ABLIM2: variants seen among roughly 807,000 people sequenced by gnomAD.
ABLIM2 encodes the protein actin-binding LIM protein 2.
Under a neutral mutation model 97.7 loss-of-function variants are expected in ABLIM2, and 53 were observed. The ratio of observed to expected loss-of-function variants is 0.54; its 90% confidence interval spans 0.44 to 0.68. The LOEUF (loss-of-function observed/expected upper bound fraction) is 0.68, where lower values mean the gene tolerates loss of function less well. Among genes scored for constraint, ABLIM2 ranks in the 30% least tolerant of loss-of-function variants. ABLIM2 has a pLI of 0.00. For missense variants in ABLIM2, 835 were observed against 867.2 expected, an observed-to-expected ratio of 0.96 and a Z score of 0.47; for synonymous variants, 361 against 345.8, an observed-to-expected ratio of 1.04 and a Z score of -0.49.
At chr4:8,053,338 T>C (rs1797178153) in intron 8 of ABLIM2, among the ~76,000 whole-genome samples, 1 of 152,222 alleles carries the variant, frequency 6.6e-6, no homozygotes, top group Non-Finnish European at 1.5e-5. Context: ...CTTGCATATG[T>C]TGATTGATGT....
In ABLIM2 at chr4:8,008,144, T is replaced by C. The variant is rs1216190524; in HGVS notation, c.1533A>G (p.Pro511=). 1 of 1,613,944 alleles carries C rather than the reference T, an allele frequency of 6.2e-7. No individual in the cohort carries two copies. The highest frequency in any genetic ancestry group is 8.5e-7 in the Non-Finnish European group (1 of 1,179,916). The change falls in exon 16 of 21, where the codon CCA becomes CCG. Residue 511 remains proline, a synonymous_variant. Transcript: ENST00000447017. ...KGDADTRTNS[P]DLDTQSLSHS... ...GGGACAAGGACTGGGTGTCCAGGTCTGGAGAATTGGTCCTTGTGTCTGCAT... is the reference window on the plus strand; with the variant it reads ...GGGACAAGGACTGGGTGTCCAGGTCCGGAGAATTGGTCCTTGTGTCTGCAT...
intron 14 of ABLIM2, among the ~76,000 whole-genome samples, chr4:8,011,231 A>C (rs1005584214): frequency 1.1e-4 from 16 of 152,356 alleles, no homozygotes; most frequent in African/African-American, 3.6e-4. Flanking sequence ...TCAGGTCTCA[A>C]AAACAGCCTC....
rs1315912411 is a variant in ABLIM2 at position 8,044,789 on chromosome 4, C to T, written c.900+375G>A. The stretch of plus-strand genomic sequence containing the variant: ...GCGTGCGTGTTGATGTACACAGATC[C>T]GTGCCGTTATTTGCAAACTCTGCAG... On this transcript the variant is annotated intron_variant, in intron 9 of 20. Coordinates refer to ENST00000447017, the MANE Select transcript of ABLIM2 (RefSeq NM_001130083.2). This position sits in a 1 kb window ranked among gnomAD's most constrained non-coding sequence, Gnocchi z 4.4. Among the ~76,000 whole-genome samples the T allele has an allele frequency of 6.6e-6, 1 of 152,026 alleles. No individual in the cohort carries two copies. Among genetic ancestry groups the T allele is most frequent in the African/African-American group, 2.4e-5 (1 of 41,364 alleles).
Position 8,082,676 on chromosome 4 carries a change from G to A in ABLIM2, c.455-1874C>T, listed in dbSNP as rs779014541. Among the ~76,000 whole-genome samples, 1 of 152,210 alleles carries A rather than the reference G, an allele frequency of 6.6e-6. No individual in the cohort carries two copies. The highest frequency in any genetic ancestry group is 1.5e-5 in the Non-Finnish European group (1 of 68,032). On this transcript the variant is annotated intron_variant, in intron 4 of 20. Transcript: ENST00000447017. The surrounding 1 kb of genome is among the most constrained non-coding windows in gnomAD (Gnocchi z 5.6). ...CAGATTCAAACTCTGAGGGAAAGGG[G>A]GGCCTCTTACTCATTTCAGGACCCT...
chr4:8,072,686 G>A lies in ABLIM2; in HGVS notation c.675+4942C>T, dbSNP rs1813073747. Reference sequence around the variant, plus strand: ...TGCCACCGACTCTCAGTGGCTGATGGCCGGGCACGTGGGTGGATCCAGCTG... The same window carrying A: ...TGCCACCGACTCTCAGTGGCTGATGACCGGGCACGTGGGTGGATCCAGCTG... On this transcript the variant is annotated intron_variant, in intron 6 of 20. Coordinates refer to ENST00000447017, the MANE Select transcript of ABLIM2 (RefSeq NM_001130083.2). The surrounding 1 kb of genome is among the most constrained non-coding windows in gnomAD (Gnocchi z 5.8). 6.6e-6 allele frequency among the ~76,000 whole-genome samples: 1 copy of A among 152,270 alleles called. No individual in the cohort carries two copies. Among genetic ancestry groups the A allele is most frequent in the Admixed American group, 6.5e-5 (1 of 15,288 alleles).
In ABLIM2 at chr4:8,085,935, CT is replaced by C. The variant is rs984683715; in HGVS notation, c.454+2233del. 4.2e-3 allele frequency among the ~76,000 whole-genome samples: 14 copies of C among 3,310 alleles called. No homozygotes were observed. In the African/African-American group the frequency reaches 0.044, roughly 10 times the overall value. The allele number at this position is 3,310 out of a possible 152,430, so 2.2% of individuals were successfully genotyped here. A position where few individuals can be genotyped will look rare whatever the true frequency, so the allele number is the denominator to read the frequency against. On this transcript the variant is annotated intron_variant, in intron 4 of 20. Transcript: ENST00000447017. The surrounding 1 kb of genome is among the most constrained non-coding windows in gnomAD (Gnocchi z 6.1). ...GCCCACCCCTCGGCACTTCCGCCCCCTGATGGACAGAGCACCCAGCACACCC... is the reference window on the plus strand; with the variant it reads ...GCCCACCCCTCGGCACTTCCGCCCCCGATGGACAGAGCACCCAGCACACCC...
chr4:8,016,976 G>A (rs2150760032), intron 14 of ABLIM2, among the ~76,000 whole-genome samples: 1 of 152,258 alleles, frequency 6.6e-6, no homozygotes, highest in South Asian at 2.1e-4. Context: ...TAATTCCTCA[G>A]TACTTTCAAC....
intron 1 of ABLIM2, among the ~76,000 whole-genome samples, chr4:8,157,769 G>A (rs1254874523): frequency 1.3e-5 from 2 of 152,244 alleles, no homozygotes; most frequent in South Asian, 2.1e-4. Flanking sequence ...TGAGCCCGGG[G>A]TTCGAATCCC....
At chr4:8,059,785 A>C (rs1419705797) in intron 7 of ABLIM2, among the ~76,000 whole-genome samples, 2 of 151,994 alleles carry the variant, frequency 1.3e-5, no homozygotes, top group Non-Finnish European at 2.9e-5. Flanking sequence ...GCATGCCTGT[A>C]ATCCCAGCTA....
rs1846735730 is a variant in ABLIM2 at position 8,124,116 on chromosome 4, A to G, written c.11-17479T>C. Among the ~76,000 whole-genome samples, 1 of 152,170 alleles carries G rather than the reference A, an allele frequency of 6.6e-6. No individual in the cohort carries two copies. The highest frequency in any genetic ancestry group is 2.1e-4 in the South Asian group (1 of 4,820). ...CTCTCACACACCTGGGACATATGAT[A>G]TGACATCACAACCTAGAATAATTCA... On this transcript the variant is annotated intron_variant, in intron 1 of 20. Coordinates refer to ENST00000447017, the MANE Select transcript of ABLIM2 (RefSeq NM_001130083.2). The surrounding 1 kb of genome is among the most constrained non-coding windows in gnomAD (Gnocchi z 6.1).
intron 17 of ABLIM2, chr4:7,989,416 C>G (rs922699634): frequency 2.4e-4 from 241 of 985,290 alleles, no homozygotes; most frequent in Admixed American, 3.1e-4. Context: ...ATTCAAATCA[C>G]CCACCATACT....
intron 9 of ABLIM2, among the ~76,000 whole-genome samples, chr4:8,036,878 A>C (rs1784806246): frequency 6.6e-6 from 1 of 151,896 alleles, no homozygotes; most frequent in African/African-American, 2.4e-5. Flanking sequence ...ACACACATAT[A>C]GGCAAACACA....
intron 11 of ABLIM2, among the ~76,000 whole-genome samples, chr4:8,028,734 C>CTCACTCAT (rs1170295595): frequency 6.6e-6 from 1 of 151,948 alleles, no homozygotes; most frequent in African/African-American, 2.4e-5. Context: ...CATGCACTCA[C>CTCACTCAT]TCACTCATTC....
chr4:8,046,546 C>T lies in ABLIM2; in HGVS notation c.823-1305G>A, dbSNP rs1460003769. ...CTGCTGCTTCGATGGTTTCCCACCC[C>T]GACCACAGCCCCCACTGCAGCTCCC... On this transcript the variant is annotated intron_variant, in intron 8 of 20. Coordinates refer to ENST00000447017, the MANE Select transcript of ABLIM2 (RefSeq NM_001130083.2). This position sits in a 1 kb window ranked among gnomAD's most constrained non-coding sequence, Gnocchi z 4.4. 9.2e-5 allele frequency among the ~76,000 whole-genome samples: 14 copies of T among 152,276 alleles called. No individual in the cohort carries two copies. The highest frequency in any genetic ancestry group is 2.9e-4 in the African/African-American group (12 of 41,556).
chr4:8,119,941 C>T (rs17796091), intron 1 of ABLIM2, among the ~76,000 whole-genome samples: 23,543 of 152,066 alleles, frequency 0.15, 2,048 homozygotes, highest in South Asian at 0.3. Flanking sequence ...TCAAGTCCTG[C>T]GGGTGGAGGT....
At chr4:8,031,838 C>A (rs1388921609) in intron 10 of ABLIM2, among the ~76,000 whole-genome samples, 1 of 151,952 alleles carries the variant, frequency 6.6e-6, no homozygotes, top group Non-Finnish European at 1.5e-5. Flanking sequence ...GATTCTCCTG[C>A]CTCAGCTTCC....
At chr4:7,993,903 T>C (rs1454663115) in intron 16 of ABLIM2, 2 of 510,280 alleles carry the variant, frequency 3.9e-6, no homozygotes, top group East Asian at 1.1e-4. Context: ...TGGGTGGGCC[T>C]GGGAGCTTGC....
At chr4:7,983,151 G>C (rs1740210789) in intron 20 of ABLIM2, 113 bp downstream of exon 20, 3 of 1,112,894 alleles carry the variant, frequency 2.7e-6, no homozygotes, top group Admixed American at 2.0e-5. Flanking sequence ...GCAAGGCTCT[G>C]CACTGTCCCC....
At position 7,983,751 on chromosome 4, in the gene ABLIM2, G is replaced by A. The variant is rs191855973; in HGVS notation, c.1736-197C>T. On this transcript the variant is annotated intron_variant, in intron 18 of 20. Coordinates refer to ENST00000447017, the MANE Select transcript of ABLIM2 (RefSeq NM_001130083.2). ...AGAGGGGCCCTGAGGGCCTCCCCCG[G>A]GAAACCAGAGCAGGAGGCATGGTCA... 3.1e-4 allele frequency among the ~76,000 whole-genome samples: 47 copies of A among 152,146 alleles called. 1 individual carries two copies. In the East Asian group the frequency reaches 8.3e-3, roughly 27 times the overall value.
Sources: allele counts gnomAD v4.1 joint callset (sites outside exome capture counted in the v4.1 genomes callset), GRCh38; gene constraint gnomAD v4.1.1; non-coding constraint Gnocchi (gnomAD v3.1); transcripts MANE v1.5; gene names NCBI Gene and HGNC (gene_info 2026-07-23, HGNC 2026-07-21).